SNTG1: variants seen among roughly 807,000 people sequenced by gnomAD.
SNTG1 encodes the protein gamma-1-syntrophin.
SNTG1 carries 39 observed loss-of-function variants against 74.7 expected under a neutral mutation model. The ratio of observed to expected loss-of-function variants is 0.52; its 90% CI spans 0.40 to 0.68. The LOEUF (loss-of-function observed/expected upper bound fraction) is 0.68, where lower values mean the gene tolerates loss of function less well. SNTG1 is among the 30% of genes least tolerant of loss of function. SNTG1 has a pLI of 0.00. For synonymous variants in SNTG1, 254 were observed against 217.1 expected, an observed-to-expected ratio of 1.17 and a Z score of -1.49; for missense variants, 685 against 609.5, an observed-to-expected ratio of 1.12 and a Z score of -1.30.
At chr8:50,357,492 G>C (rs1476401124) in intron 2 of SNTG1, among the ~76,000 whole-genome samples, 1 of 152,188 alleles carries the variant, frequency 6.6e-6, no homozygotes, top group African/African-American at 2.4e-5. Context: ...ATCAATACAA[G>C]TGTCCTTGGC....
intron 2 of SNTG1, among the ~76,000 whole-genome samples, chr8:50,313,342 G>A (rs1012655948): frequency 2.0e-5 from 3 of 149,600 alleles, no homozygotes; most frequent in East Asian, 2.0e-4. Context: ...GAAAGCTTCC[G>A]CACTGCAAAG....
chr8:49,926,583 A>C (rs402156), intron 1 of SNTG1, among the ~76,000 whole-genome samples: 20,056 of 152,156 alleles, frequency 0.13, 1,508 homozygotes, highest in Middle Eastern at 0.21. Flanking sequence ...TATTGACAAA[A>C]ATTAACTTAA....
At chr8:50,020,634 C>T (rs1771620876) in intron 1 of SNTG1, among the ~76,000 whole-genome samples, 1 of 152,090 alleles carries the variant, frequency 6.6e-6, no homozygotes, top group African/African-American at 2.4e-5. Context: ...TTGATACACA[C>T]ACATCTTTTT....
At chr8:50,302,877 G>A (rs527319678) in intron 2 of SNTG1, among the ~76,000 whole-genome samples, 1 of 152,170 alleles carries the variant, frequency 6.6e-6, no homozygotes, top group Non-Finnish European at 1.5e-5. Flanking sequence ...TCAATTTCTA[G>A]TGTTCTGAAA....
chr8:50,661,303 A>T (rs1359751610), intron 15 of SNTG1, among the ~76,000 whole-genome samples: 1 of 152,168 alleles, frequency 6.6e-6, no homozygotes, highest in African/African-American at 2.4e-5. Flanking sequence ...GCAAATTCTT[A>T]TTTCCTTTAG....
chr8:50,626,141 C>T (rs2094954837), intron 13 of SNTG1, among the ~76,000 whole-genome samples: 1 of 152,160 alleles, frequency 6.6e-6, no homozygotes, highest in South Asian at 2.1e-4. Context: ...CATTCTTGGG[C>T]ATTACTATGT....
intron 2 of SNTG1, among the ~76,000 whole-genome samples, chr8:50,343,952 G>C (rs1033852756): frequency 1.3e-5 from 2 of 152,152 alleles, no homozygotes; most frequent in African/African-American, 4.8e-5. Context: ...AAGATGGCTG[G>C]TGTTAGTCAT....
At chr8:50,279,468 A>C (rs78398658) in intron 2 of SNTG1, among the ~76,000 whole-genome samples, 2,565 of 152,282 alleles carry the variant, frequency 0.017, 27 homozygotes, top group Non-Finnish European at 0.027. Flanking sequence ...AAGTAGAACA[A>C]AGTTTTTTCA....
chr8:50,531,516 G>T (rs1022866540), intron 10 of SNTG1, among the ~76,000 whole-genome samples: 1 of 151,968 alleles, frequency 6.6e-6, no homozygotes, highest in African/African-American at 2.4e-5. Flanking sequence ...CTTCCCTCCC[G>T]ATCCAGATGC....
At chr8:50,212,288 T>C (rs1293048600) in intron 2 of SNTG1, among the ~76,000 whole-genome samples, 1 of 152,204 alleles carries the variant, frequency 6.6e-6, no homozygotes, top group Non-Finnish European at 1.5e-5. Context: ...TAGGGGTCCA[T>C]TTTAACCATA....
intron 13 of SNTG1, 69 bp from the exon 14 acceptor site, chr8:50,656,840 A>T: frequency 1.0e-6 from 1 of 991,174 alleles, no homozygotes; most frequent in Non-Finnish European, 1.5e-6. Flanking sequence ...TTTGCATCTA[A>T]ATATTTTTAG....
At chr8:50,554,408 C>T (rs564504625) in intron 12 of SNTG1, among the ~76,000 whole-genome samples, 6 of 151,830 alleles carry the variant, frequency 4.0e-5, no homozygotes, top group African/African-American at 7.3e-5. Context: ...CTCTGTGTCA[C>T]GCTGCCTTTT....
At chr8:50,472,325 AG>A (rs1370566539) in intron 8 of SNTG1, among the ~76,000 whole-genome samples, 4 of 152,334 alleles carry the variant, frequency 2.6e-5, no homozygotes, top group Middle Eastern at 3.4e-3. Context: ...ACAATGTGGT[AG>A]TGATATAAAG....
intron 12 of SNTG1, among the ~76,000 whole-genome samples, chr8:50,587,699 C>G (rs1489742306): frequency 6.6e-6 from 1 of 151,618 alleles, no homozygotes; most frequent in Non-Finnish European, 1.5e-5. Flanking sequence ...GTGGTGCACG[C>G]CTGTAGTCCT....
chr8:50,032,905 G>T (rs144820512), intron 1 of SNTG1, among the ~76,000 whole-genome samples: 2 of 151,632 alleles, frequency 1.3e-5, no homozygotes, highest in African/African-American at 2.4e-5. Flanking sequence ...CAATAATCTG[G>T]TCCCATCCCC....
rs574352290 is a variant in SNTG1 at position 50,179,370 on chromosome 8, T to C, written c.-28+6735T>C. Among the ~76,000 whole-genome samples, 59 of 152,306 alleles carry C rather than the reference T, an allele frequency of 3.9e-4. 1 individual carries two copies. In the East Asian group the frequency reaches 0.011, roughly 29 times the overall value. ...ATTGAAATTTTGACTGAGATTGCAT[T>C]CAATCTGTATATGGCTTTAGGCAGT... On this transcript the variant is annotated intron_variant, in intron 2 of 18. Coordinates refer to ENST00000642720, the MANE Select transcript of SNTG1 (RefSeq NM_018967.5).
chr8:49,963,677 A>C (rs1810895147), intron 1 of SNTG1, among the ~76,000 whole-genome samples: 1 of 152,156 alleles, frequency 6.6e-6, no homozygotes, highest in Non-Finnish European at 1.5e-5. Context: ...TTCCTTTACT[A>C]CAAGCTACTG....
At chr8:50,761,799 C>T (rs2095599738) in intron 18 of SNTG1, among the ~76,000 whole-genome samples, 1 of 151,900 alleles carries the variant, frequency 6.6e-6, no homozygotes, top group African/African-American at 2.4e-5. Context: ...TAAATTATAA[C>T]TTAGTTTGAC....
chr8:50,647,745 G>A (rs2095119188), intron 13 of SNTG1, among the ~76,000 whole-genome samples: 1 of 152,134 alleles, frequency 6.6e-6, no homozygotes, highest in Admixed American at 6.6e-5. Flanking sequence ...TTAATTTAAA[G>A]TGAACAAGCT....
Sources: gnomAD v4.1 joint callset for allele counts (sites outside exome capture counted in the v4.1 genomes callset) on GRCh38, gnomAD v4.1.1 for gene constraint, MANE v1.5 for transcripts, NCBI Gene and HGNC (gene_info 2026-07-23, HGNC 2026-07-21) for gene names.